Variants in ADGRF5 observed in about 807,000 individuals in gnomAD.
The protein encoded by ADGRF5 is G-protein coupled receptor 116.
ADGRF5 carries 75 observed loss-of-function variants against 132.3 expected under a neutral mutation model. The ratio of observed to expected loss-of-function variants is 0.57; its 90% confidence interval spans 0.47 to 0.69. ADGRF5 has a LOEUF of 0.69. ADGRF5 is among the 30% of genes least tolerant of loss of function. The pLI, the probability that ADGRF5 is intolerant of heterozygous loss-of-function variation, is 0.00. For missense variants in ADGRF5, 1,516 were observed against 1,630.6 expected (o/e 0.93, Z 1.21); for synonymous variants, 629 against 597.6 (o/e 1.05, Z -0.77).
At position 46,862,796 on chromosome 6, in the gene ADGRF5, A is replaced by G; in HGVS notation, c.2199+92T>C. The G allele has an allele frequency of 6.6e-6, 5 of 758,564 alleles. No individual in the cohort carries two copies. In the Admixed American group the frequency reaches 1.0e-4, roughly 16 times the overall value. The allele number at this position is 758,564 out of a possible 1,614,324, so 47.0% of individuals were successfully genotyped here. On this transcript the variant is annotated intron_variant, in intron 15 of 20. Coordinates refer to ENST00000283296, the MANE Select transcript of ADGRF5 (RefSeq NM_001098518.2). ...AAGTAGTTTTGGAGCAACACAAAGCAGCACCAAACCCATTTTCCTAAGTGC... is the reference window on the plus strand; with the variant it reads ...AAGTAGTTTTGGAGCAACACAAAGCGGCACCAAACCCATTTTCCTAAGTGC...
At chr6:46,883,959 G>A (rs1158231944) in intron 5 of ADGRF5, 136 bp downstream of exon 5, 2 of 789,908 alleles carry the variant, frequency 2.5e-6, no homozygotes, top group Non-Finnish European at 4.1e-6. Flanking sequence ...CCAGGCTGCT[G>A]TCAAAGTCCT....
Position 46,859,382 on chromosome 6 carries a change from T to C in ADGRF5, c.2521A>G (p.Ser841Gly). 6.2e-7 allele frequency: 1 copy of C among 1,613,836 alleles called. No individual in the cohort carries two copies. Among genetic ancestry groups the C allele is most frequent in the Non-Finnish European group, 8.5e-7 (1 of 1,179,748 alleles). ...RFSQALQSGDSPPLSFSQTNV... is the reference protein window; with the variant it reads ...RFSQALQSGDGPPLSFSQTNV... Reference sequence around the variant, plus strand: ...GTTTGGGAGAAGGACAAAGGAGGGCTATCTCCCGACTGTAATGCTTGGGAA... The same window carrying C: ...GTTTGGGAGAAGGACAAAGGAGGGCCATCTCCCGACTGTAATGCTTGGGAA... The change falls in exon 17 of 21, where the codon AGC becomes GGC. Residue 841 changes from serine to glycine, a missense_variant. By Grantham distance (56) the Ser-to-Gly change is moderately conservative. Transcript: ENST00000283296.
intron 14 of ADGRF5, among the ~76,000 whole-genome samples, chr6:46,864,751 C>T (rs1191614985): frequency 1.3e-5 from 2 of 152,120 alleles, no homozygotes; most frequent in Non-Finnish European, 2.9e-5. Context: ...GTCTTGATCT[C>T]CTGACCTCGT....
chr6:46,906,776 A>C lies in ADGRF5; in HGVS notation c.-14T>G. 1 of 1,401,352 alleles carries C rather than the reference A, an allele frequency of 7.1e-7. No homozygotes were observed. The highest frequency in any genetic ancestry group is 1.0e-6 in the Non-Finnish European group (1 of 986,370). 86.8% of individuals were successfully genotyped at this position (1,401,352 alleles called of 1,614,324 possible). On this transcript the variant is annotated 5_prime_UTR_variant, in exon 2 of 21. Coordinates refer to ENST00000283296, the MANE Select transcript of ADGRF5 (RefSeq NM_001098518.2). ...TGGGGATTTCATGTCTTCAAGTTTG[A>C]GTTGGTTGGCCTGAAATGGAAATAT...
chr6:46,853,932 C>T lies in ADGRF5; in HGVS notation c.*60G>A. 1 of 1,186,400 alleles carries T rather than the reference C, an allele frequency of 8.4e-7. No homozygotes were observed. The highest frequency in any genetic ancestry group is 1.2e-6 in the Non-Finnish European group (1 of 819,468). The allele number at this position is 1,186,400 out of a possible 1,614,324, so 73.5% of individuals were successfully genotyped here. A position where few individuals can be genotyped will look rare whatever the true frequency, so the allele number is the denominator to read the frequency against. ...ACGTTCCCCATTGCTTTGCAAGCATCTCTTTTTAAAAGCACAGCCACTGTC... is the reference window on the plus strand; with the variant it reads ...ACGTTCCCCATTGCTTTGCAAGCATTTCTTTTTAAAAGCACAGCCACTGTC... On this transcript the variant is annotated 3_prime_UTR_variant, in exon 21 of 21. Coordinates refer to ENST00000283296, the MANE Select transcript of ADGRF5 (RefSeq NM_001098518.2).
intron 15 of ADGRF5, among the ~76,000 whole-genome samples, chr6:46,861,384 A>C (rs1375740912): frequency 6.6e-6 from 1 of 152,190 alleles, no homozygotes; most frequent in African/African-American, 2.4e-5. Context: ...GTCCCGACTT[A>C]GATGATAGAT....
At chr6:46,931,734 T>G (rs929807147) in intron 1 of ADGRF5, among the ~76,000 whole-genome samples, 1 of 152,176 alleles carries the variant, frequency 6.6e-6, no homozygotes, top group African/African-American at 2.4e-5. Flanking sequence ...AAAATATTTT[T>G]GGGCATATGA....
intron 1 of ADGRF5, among the ~76,000 whole-genome samples, chr6:46,949,076 C>A (rs1229979586): frequency 2.0e-5 from 3 of 152,174 alleles, no homozygotes; most frequent in African/African-American, 7.2e-5. Flanking sequence ...CAGTTGATTA[C>A]ATTTCAAAGG....
intron 14 of ADGRF5, among the ~76,000 whole-genome samples, chr6:46,864,055 T>C (rs1177253931): frequency 6.6e-6 from 1 of 152,214 alleles, no homozygotes; most frequent in African/African-American, 2.4e-5. Context: ...AACGATCCTT[T>C]GTCTATCACA....
At position 46,865,033 on chromosome 6, in the gene ADGRF5, C is replaced by T. The variant is rs1388147304; in HGVS notation, c.1990+9G>A. The T allele has an allele frequency of 1.3e-6, 2 of 1,575,150 alleles. No homozygotes were observed. Among genetic ancestry groups the T allele is most frequent in the African/African-American group, 1.4e-5 (1 of 73,638 alleles). On this transcript the variant is annotated intron_variant, in intron 14 of 20. Transcript: ENST00000283296. ...TATAACATCTTAAAGTAATTTAAAA[C>T]GTTCTTACCAGGAACCAGATTCAGC...
chr6:46,892,092 A>G (rs897903378), intron 3 of ADGRF5, among the ~76,000 whole-genome samples: 6 of 151,580 alleles, frequency 4.0e-5, no homozygotes, highest in Non-Finnish European at 5.9e-5. Flanking sequence ...ACTCTCGGAA[A>G]TCATCTACTC....
At chr6:46,942,562 A>T (rs183933146) in intron 1 of ADGRF5, among the ~76,000 whole-genome samples, 4 of 152,364 alleles carry the variant, frequency 2.6e-5, no homozygotes, top group Non-Finnish European at 5.9e-5. Context: ...TATTAAAGGA[A>T]GTATTCCAAA....
intron 20 of ADGRF5, 111 bp from the exon 21 acceptor site, chr6:46,854,182 C>T (rs1768775717): frequency 2.8e-6 from 2 of 704,944 alleles, no homozygotes; most frequent in Non-Finnish European, 2.3e-6. Context: ...CAGGTAAGCT[C>T]GGCCATGCCT....
At chr6:46,945,424 G>C (rs6903275) in intron 1 of ADGRF5, among the ~76,000 whole-genome samples, 3 of 152,150 alleles carry the variant, frequency 2.0e-5, no homozygotes, top group Non-Finnish European at 4.4e-5. Flanking sequence ...ACACTTTTGC[G>C]TTCCTAACTC....
intron 1 of ADGRF5, among the ~76,000 whole-genome samples, chr6:46,951,065 C>T (rs564428409): frequency 1.3e-5 from 2 of 152,338 alleles, no homozygotes; most frequent in South Asian, 2.1e-4. Flanking sequence ...CTGTGGCAGG[C>T]CACTGGAAAC....
intron 6 of ADGRF5, 74 bp downstream of exon 6, chr6:46,883,485 T>A (rs1014474538): frequency 6.8e-6 from 5 of 734,276 alleles, no homozygotes; most frequent in Non-Finnish European, 9.5e-6. Flanking sequence ...CAAGCCATGT[T>A]CATTGTGAAT....
At chr6:46,889,196 T>C (rs1366685443) in intron 3 of ADGRF5, among the ~76,000 whole-genome samples, 1 of 147,358 alleles carries the variant, frequency 6.8e-6, no homozygotes, top group Non-Finnish European at 1.5e-5. Context: ...CATATATATA[T>C]ATATATATAA....
intron 1 of ADGRF5, among the ~76,000 whole-genome samples, chr6:46,941,755 G>A (rs1482323830): frequency 1.3e-5 from 2 of 152,016 alleles, no homozygotes; most frequent in African/African-American, 2.4e-5. Flanking sequence ...AAAAACACTG[G>A]CAGATAGATG....
Position 46,858,446 on chromosome 6 carries a change from G to T in ADGRF5, c.3457C>A (p.Arg1153=), listed in dbSNP as rs146806321. The change falls in exon 17 of 21, where the codon CGG becomes AGG. Residue 1153 remains arginine, a synonymous_variant. Coordinates refer to ENST00000283296, the MANE Select transcript of ADGRF5 (RefSeq NM_001098518.2). ...ACATTCTTCCTCGTATAGACTTCCC[G>T]GGGCTGGGTGGCTCCCAGCGTGATG... ...SVITLGATQP[R]EVYTRKNVCW... 1 of 1,613,846 alleles carries T rather than the reference G, an allele frequency of 6.2e-7. No individual in the cohort carries two copies.
Sources: gnomAD v4.1 joint callset for allele counts (sites outside exome capture counted in the v4.1 genomes callset) on GRCh38, gnomAD v4.1.1 for gene constraint, MANE v1.5 for transcripts, NCBI Gene and HGNC (gene_info 2026-07-23, HGNC 2026-07-21) for gene names.